Variants in TRIM17 observed in about 807,000 individuals in gnomAD.
The protein encoded by TRIM17 is E3 ubiquitin-protein ligase TRIM17.
Under a neutral mutation model 35.8 loss-of-function variants are expected in TRIM17, and 27 were observed. The observed-to-expected ratio is 0.75, with a 90% confidence interval of 0.56 to 1.04. The LOEUF (loss-of-function observed/expected upper bound fraction) is 1.04, where lower values mean the gene tolerates loss of function less well. Among genes scored for constraint, TRIM17 ranks in the 50% least tolerant of loss-of-function variants. The pLI is 0.00. For missense variants in TRIM17, 582 were observed against 612.8 expected (o/e 0.95, Z 0.53); for synonymous variants, 246 against 252.6 (o/e 0.97, Z 0.25).
chr1:228,414,023 G>A (rs552453186), intron 2 of TRIM17, 131 bp from the exon 3 acceptor site: 42 of 708,334 alleles, frequency 5.9e-5, no homozygotes, highest in African/African-American at 5.8e-4. Flanking sequence ...ATCAAAATAC[G>A]TCACCCAGAA....
At chr1:228,415,738 AAC>A (rs1269678815) in intron 1 of TRIM17, 4 of 152,752 alleles carry the variant, frequency 2.6e-5, no homozygotes, top group African/African-American at 9.7e-5. Context: ...GTTCAGAAAA[AAC>A]ACGCGTGTGC....
At chr1:228,415,253 A>T in intron 1 of TRIM17, 140 bp from the exon 2 acceptor site, 1 of 663,362 alleles carries the variant, frequency 1.5e-6, no homozygotes, top group South Asian at 2.1e-5. Flanking sequence ...AGCCTTGTCA[A>T]CAACAGACAC....
Position 228,407,984 on chromosome 1 carries a change from G to C in TRIM17, c.*217C>G. 2 of 411,854 alleles carry C rather than the reference G, an allele frequency of 4.9e-6. No individual in the cohort carries two copies. The highest frequency in any genetic ancestry group is 4.2e-6 in the Non-Finnish European group (1 of 236,364). 25.5% of individuals were successfully genotyped at this position (411,854 alleles called of 1,614,324 possible). ...AGAAATCGGTCCACTCAGAACGCAG[G>C]GGCTTTCAAAAGTTTCCTCTAGGAA... is the stretch of plus-strand genomic sequence containing the variant. On this transcript the variant is annotated 3_prime_UTR_variant, in exon 7 of 7. Coordinates refer to ENST00000366698, the MANE Select transcript of TRIM17 (RefSeq NM_016102.4).
At chr1:228,416,103 T>A (rs577441613) in intron 1 of TRIM17, 1 of 155,406 alleles carries the variant, frequency 6.4e-6, no homozygotes. Context: ...GCGTCTACAC[T>A]GCAAGCACGA....
chr1:228,415,835 A>G (rs914050957), intron 1 of TRIM17: 11 of 152,414 alleles, frequency 7.2e-5, no homozygotes, highest in Non-Finnish European at 1.3e-4. Context: ...ACGCATACAC[A>G]CCACACAAAT....
In TRIM17 at chr1:228,410,210, C is replaced by T. The variant is rs1424736364; in HGVS notation, c.756+736G>A. Among the ~76,000 whole-genome samples, 1 of 151,984 alleles carries T rather than the reference C, an allele frequency of 6.6e-6. No individual in the cohort carries two copies. The highest frequency in any genetic ancestry group is 1.5e-5 in the Non-Finnish European group (1 of 67,956). On this transcript the variant is annotated intron_variant, in intron 4 of 6. Transcript: ENST00000366698. The surrounding 1 kb of genome is among the most constrained non-coding windows in gnomAD (Gnocchi z 4.6). ...TCACGGGCTCAAGCAGTCTTCCTGC[C>T]TCAGCCTCCTGAGTCCTGGGACCAC... is the stretch of plus-strand genomic sequence containing the variant.
At position 228,416,821 on chromosome 1, in the gene TRIM17, G is replaced by A; in HGVS notation, c.-324C>T. 4 of 984,888 alleles carry A rather than the reference G, an allele frequency of 4.1e-6. No homozygotes were observed. The highest frequency in any genetic ancestry group is 4.8e-6 in the Non-Finnish European group (4 of 829,798). 61.0% of individuals were successfully genotyped at this position (984,888 alleles called of 1,614,324 possible). ...GGAAGGAAGGCGGCAGGGGGTGGAA[G>A]GCTCTGGACGAGCCGGGGACAGGCG... On this transcript the variant is annotated 5_prime_UTR_variant, in exon 1 of 7. Coordinates refer to ENST00000366698, the MANE Select transcript of TRIM17 (RefSeq NM_016102.4).
intron 6 of TRIM17, 59 bp downstream of exon 6, chr1:228,409,113 C>T: frequency 1.2e-6 from 2 of 1,613,930 alleles, no homozygotes; most frequent in African/African-American, 1.3e-5. Flanking sequence ...CTAGGGGGTA[C>T]AGTGGGGCAT....
In TRIM17 at chr1:228,409,144, G is replaced by A. The variant is rs376848173; in HGVS notation, c.883+28C>T. 1.7e-5 allele frequency: 27 copies of A among 1,614,104 alleles called. No homozygotes were observed. In the African/African-American group the frequency reaches 3.5e-4, roughly 21 times the overall value. On this transcript the variant is annotated intron_variant, in intron 6 of 6. Coordinates refer to ENST00000366698, the MANE Select transcript of TRIM17 (RefSeq NM_016102.4). ...GGCATCGCCAAGAGATCCTGGGTCA[G>A]AGGTCCTGGCCCTGGGTGCCCACTT... is the stretch of plus-strand genomic sequence containing the variant.
In TRIM17 at chr1:228,414,909, TTCCGCC is replaced by T. The variant is rs1223136251; in HGVS notation, c.158_163del (p.Arg53_Arg54del). On this transcript the variant is annotated inframe_deletion, in exon 2 of 7. Transcript: ENST00000366698. ...GGGGCAGGGGAAGGAGCCCTTCCGC[TTCCGCC>T]TCCCCTTCTTGCCCCTCGCCTTTTC... 1 of 1,613,566 alleles carries T rather than the reference TTCCGCC, an allele frequency of 6.2e-7. No homozygotes were observed. The highest frequency in any genetic ancestry group is 8.5e-7 in the Non-Finnish European group (1 of 1,180,030).
At chr1:228,415,152 G>C (rs1558460125) in intron 1 of TRIM17, 39 bp from the exon 2 acceptor site, 1 of 1,481,024 alleles carries the variant, frequency 6.8e-7, no homozygotes, top group Non-Finnish European at 9.0e-7. Context: ...TGATCTGGGC[G>C]CCGGCAGTGT....
In TRIM17 at chr1:228,414,908, C is replaced by T. The variant is rs1657006172; in HGVS notation, c.165G>A (p.Lys55=). 3 of 1,613,454 alleles carry T rather than the reference C, an allele frequency of 1.9e-6. No individual in the cohort carries two copies. Among genetic ancestry groups the T allele is most frequent in the African/African-American group, 2.7e-5 (2 of 74,946 alleles). ...EKARGKKGRR[K]RKGSFPCPEC... ...CGGGGCAGGGGAAGGAGCCCTTCCG[C>T]TTCCGCCTCCCCTTCTTGCCCCTCG... Residue 55 remains lysine, a synonymous_variant, in exon 2 of 7, where the codon AAG becomes AAA. Coordinates refer to ENST00000366698, the MANE Select transcript of TRIM17 (RefSeq NM_016102.4).
chr1:228,408,447 C>T lies in TRIM17; in HGVS notation c.1188G>A (p.Gly396=). 17 of 1,614,182 alleles carry T rather than the reference C, an allele frequency of 1.1e-5. No homozygotes were observed. Among genetic ancestry groups the T allele is most frequent in the Non-Finnish European group, 1.4e-5 (16 of 1,180,018 alleles). ...CAGAGAAGGTGGATAAGTACTTGGT[C>T]CCCTTGGACAGCTGCACCACCCAGA... is the stretch of plus-strand genomic sequence containing the variant. ...NGFWVVQLSK[G]TKYLSTFSAL... Residue 396 remains glycine (G), a synonymous_variant, in exon 7 of 7, where the codon GGG becomes GGA. Transcript: ENST00000366698. This position sits in a 1 kb window ranked among gnomAD's most constrained non-coding sequence, Gnocchi z 6.3.
At chr1:228,416,485 G>C in intron 1 of TRIM17, 54 bp downstream of exon 1, 2 of 985,920 alleles carry the variant, frequency 2.0e-6, no homozygotes, top group Non-Finnish European at 2.4e-6. Context: ...GGCTTAGGTC[G>C]TGGCCCAGGC....
chr1:228,412,335 C>T (rs1018657504), intron 3 of TRIM17, among the ~76,000 whole-genome samples: 2 of 151,592 alleles, frequency 1.3e-5, no homozygotes, highest in African/African-American at 2.4e-5. Flanking sequence ...TGCACCCCGA[C>T]GACACCTGCA....
At chr1:228,413,043 T>A (rs532492711) in intron 3 of TRIM17, among the ~76,000 whole-genome samples, 1 of 151,984 alleles carries the variant, frequency 6.6e-6, no homozygotes, top group African/African-American at 2.4e-5. Flanking sequence ...AAACCCCATC[T>A]CTACTAAAAG....
Position 228,409,193 on chromosome 1 carries a change from C to T in TRIM17, c.862G>A (p.Glu288Lys). Residue 288 changes from glutamate (E) to lysine (K), a missense_variant, in exon 6 of 7, where the codon GAA (glutamate) becomes AAA (lysine). Glu to Lys is a moderately conservative substitution (Grantham distance 56). Transcript: ENST00000366698. ...TTACCTAGAAAGCCTCTTAGCACTT[C>T]AATCTGTCCGGGAACTCTGCACACA... ...RTVCRVPGQI[E>K]VLRGFLEDVV... 2 of 1,614,102 alleles carry T rather than the reference C, an allele frequency of 1.2e-6. No homozygotes were observed. The highest frequency in any genetic ancestry group is 2.2e-5 in the East Asian group (1 of 44,878).
At position 228,409,218 on chromosome 1, in the gene TRIM17, A is replaced by G. The variant is rs1255349239; in HGVS notation, c.837T>C (p.Thr279=). 6.2e-7 allele frequency: 1 copy of G among 1,613,950 alleles called. No individual in the cohort carries two copies. Among genetic ancestry groups the G allele is most frequent in the Non-Finnish European group, 8.5e-7 (1 of 1,179,956 alleles). ...PEVAPPTRPR[T]VCRVPGQIEV... ...CAATCTGTCCGGGAACTCTGCACAC[A>G]GTCCTGGGTCTGGTTGGGGGGGCAA... is the stretch of plus-strand genomic sequence containing the variant. Residue 279 remains threonine, a synonymous_variant, in exon 6 of 7, where the codon ACT becomes ACC. Coordinates refer to ENST00000366698, the MANE Select transcript of TRIM17 (RefSeq NM_016102.4).
Position 228,410,927 on chromosome 1 carries a change from G to C in TRIM17, c.756+19C>G. The C allele has an allele frequency of 6.7e-7, 1 of 1,490,618 alleles. No individual in the cohort carries two copies. Among genetic ancestry groups the C allele is most frequent in the Non-Finnish European group, 8.9e-7 (1 of 1,117,434 alleles). The allele number at this position is 1,490,618 out of a possible 1,614,324, so 92.3% of individuals were successfully genotyped here. ...TCAGAGCTCACATCCCACCCTGCCT[G>C]CCAAGCCTACTGGCTCACCTGCAGC... is the stretch of plus-strand genomic sequence containing the variant. On this transcript the variant is annotated intron_variant, in intron 4 of 6. Transcript: ENST00000366698. This position sits in a 1 kb window ranked among gnomAD's most constrained non-coding sequence, Gnocchi z 4.6.
Sources: gnomAD v4.1 joint callset for allele counts (sites outside exome capture counted in the v4.1 genomes callset) on GRCh38, gnomAD v4.1.1 for gene constraint, Gnocchi (gnomAD v3.1) non-coding constraint, MANE v1.5 for transcripts, NCBI Gene and HGNC (gene_info 2026-07-23, HGNC 2026-07-21) for gene names.